Variants in PARP15 observed in about 807,000 individuals in gnomAD.
PARP15 encodes protein mono-ADP-ribosyltransferase PARP15.
Under a neutral mutation model 62.1 loss-of-function variants are expected in PARP15, and 50 were observed. The observed-to-expected ratio is 0.81, with a 90% CI of 0.64 to 1.02. The LOEUF is 1.02. Ranked by LOEUF, PARP15 falls within the 50% of genes least tolerant of loss-of-function variation. The pLI, the probability that PARP15 is intolerant of heterozygous loss-of-function variation, is 0.00. For missense variants in PARP15, 820 were observed against 826.5 expected (o/e 0.99, Z 0.10); for synonymous variants, 309 against 293.1 (o/e 1.05, Z -0.55).
chr3:122,603,565 A>G (rs1576503376), intron 1 of PARP15, among the ~76,000 whole-genome samples: 1 of 152,206 alleles, frequency 6.6e-6, no homozygotes, highest in South Asian at 2.1e-4. Flanking sequence ...GAGGATGTGA[A>G]GAGTTGTAAC....
At chr3:122,614,914 C>G in intron 4 of PARP15, 1 of 256,566 alleles carries the variant, frequency 3.9e-6, no homozygotes, top group Non-Finnish European at 6.1e-6. Context: ...TCTGTAGTCC[C>G]AGCTACTTGG....
chr3:122,599,095 C>T (rs1289472714), intron 1 of PARP15, among the ~76,000 whole-genome samples: 1 of 152,094 alleles, frequency 6.6e-6, no homozygotes, highest in Admixed American at 6.6e-5. Context: ...CAGGGTTTCA[C>T]CACTTTGGGC....
chr3:122,617,127 T>C lies in PARP15; in HGVS notation c.963T>C (p.Ile321=). The change falls in exon 6 of 12, where the codon ATT becomes ATC. Residue 321 remains isoleucine (I), a synonymous_variant. Transcript: ENST00000464300. ...GDIATEQVDV[I]VNSTARTFNR... The stretch of plus-strand genomic sequence containing the variant: ...TAGCCACTGAACAGGTAGATGTTAT[T>C]GTAAACTCAACAGCAAGGACATTTA... 1 of 1,613,960 alleles carries C rather than the reference T, an allele frequency of 6.2e-7. No homozygotes were observed.
At chr3:122,621,231 C>A in intron 7 of PARP15, 1 of 515,224 alleles carries the variant, frequency 1.9e-6, no homozygotes, top group Non-Finnish European at 3.4e-6. Flanking sequence ...TTGAACAGCA[C>A]CCCAAATACT....
At chr3:122,594,502 C>A in intron 1 of PARP15, 2 of 972,378 alleles carry the variant, frequency 2.1e-6, no homozygotes, top group Non-Finnish European at 2.4e-6. Context: ...GTTCCTCAAA[C>A]GATCTCAAAT....
rs1285632195 is a variant in PARP15, at chr3:122,637,559, C to T, written c.*1459C>T. On this transcript the variant is annotated 3_prime_UTR_variant, in exon 12 of 12. Coordinates refer to ENST00000464300, the MANE Select transcript of PARP15 (RefSeq NM_001113523.3). ...CTGAAGCATCACTTTTGAAGAGTTA[C>T]AGACATTTAAGAAGTATTTACATTA... 1 of 152,080 alleles carries T rather than the reference C, an allele frequency of 6.6e-6. No individual in the cohort carries two copies. The highest frequency in any genetic ancestry group is 1.5e-5 in the Non-Finnish European group (1 of 68,012). 9.4% of individuals were successfully genotyped at this position (152,080 alleles called of 1,614,324 possible).
At position 122,638,261 on chromosome 3, in the gene PARP15, C is replaced by T. The variant is rs1306193095; in HGVS notation, c.*2161C>T. The T allele has an allele frequency of 1.3e-5, 2 of 152,028 alleles. No homozygotes were observed. Among genetic ancestry groups the T allele is most frequent in the Non-Finnish European group, 2.9e-5 (2 of 68,030 alleles). 9.4% of individuals were successfully genotyped at this position (152,028 alleles called of 1,614,324 possible). ...TGTGAATAGTGCCGCAATAAACATA[C>T]GTGTGCATGTGTCTTTACAGCAGCA... On this transcript the variant is annotated 3_prime_UTR_variant, in exon 12 of 12. Coordinates refer to ENST00000464300, the MANE Select transcript of PARP15 (RefSeq NM_001113523.3).
In PARP15 at chr3:122,635,139, C is replaced by T. The variant is rs543241798; in HGVS notation, c.1692C>T (p.Asp564=). The change falls in exon 11 of 12, where the codon GAC becomes GAT. Residue 564 remains aspartate (D), a synonymous_variant. Transcript: ENST00000464300. The stretch of plus-strand genomic sequence containing the variant: ...TCCTCTTCCATGGGACAGATGCAGA[C>T]TCAGTGCCATATGTCAATCAGCACG... The part of the protein sequence containing the change: ...ERLLFHGTDA[D]SVPYVNQHGF... 1.2e-6 allele frequency: 2 copies of T among 1,613,984 alleles called. No homozygotes were observed.
chr3:122,594,977 C>G (rs532760536), intron 1 of PARP15: 72 of 600,128 alleles, frequency 1.2e-4, no homozygotes, highest in Admixed American at 1.9e-4. Flanking sequence ...AGTTTTCTGA[C>G]TACAAAGGAT....
intron 9 of PARP15, among the ~76,000 whole-genome samples, chr3:122,631,353 G>C (rs920412362): frequency 6.6e-6 from 1 of 152,202 alleles, no homozygotes; most frequent in African/African-American, 2.4e-5. Flanking sequence ...CAGTGCCCTG[G>C]ATCCCTCTCT....
Position 122,637,454 on chromosome 3 carries a change from G to T in PARP15, c.*1354G>T, listed in dbSNP as rs1428090618. On this transcript the variant is annotated 3_prime_UTR_variant, in exon 12 of 12. Transcript: ENST00000464300. Reference sequence around the variant, plus strand: ...AGCAAGTTTTATTCCTCTTACTGATGGTAGCCTTTCAGATCCATCCCTTCC... The same window carrying T: ...AGCAAGTTTTATTCCTCTTACTGATTGTAGCCTTTCAGATCCATCCCTTCC... 2.0e-5 allele frequency: 3 copies of T among 152,070 alleles called. No individual in the cohort carries two copies. The highest frequency in any genetic ancestry group is 7.2e-5 in the African/African-American group (3 of 41,394). 9.4% of individuals were successfully genotyped at this position (152,070 alleles called of 1,614,324 possible).
At chr3:122,590,046 T>C (rs1366592415) in intron 1 of PARP15, among the ~76,000 whole-genome samples, 8 of 148,602 alleles carry the variant, frequency 5.4e-5, no homozygotes, top group African/African-American at 2.5e-5. Context: ...TCACCACGCC[T>C]GGCTAATTTT....
At chr3:122,590,345 T>C (rs1933800848) in intron 1 of PARP15, among the ~76,000 whole-genome samples, 1 of 152,096 alleles carries the variant, frequency 6.6e-6, no homozygotes, top group Admixed American at 6.6e-5. Flanking sequence ...TGATCTCGGC[T>C]CACTGCAAGC....
intron 8 of PARP15, among the ~76,000 whole-genome samples, chr3:122,626,171 G>A (rs1486471730): frequency 2.0e-5 from 3 of 150,382 alleles, no homozygotes; most frequent in Non-Finnish European, 4.4e-5. Context: ...CTAAATGTAT[G>A]ATTGGTAATG....
chr3:122,615,419 C>A, intron 4 of PARP15: 1 of 1,283,148 alleles, frequency 7.8e-7, no homozygotes, highest in Non-Finnish European at 1.0e-6. Flanking sequence ...AAATACTCTA[C>A]ACTTCCCTCA....
At chr3:122,632,524 C>T (rs1191477335) in intron 10 of PARP15, among the ~76,000 whole-genome samples, 2 of 152,202 alleles carry the variant, frequency 1.3e-5, no homozygotes, top group Non-Finnish European at 1.5e-5. Flanking sequence ...GTAGGATGGG[C>T]TTTGGAGAAG....
chr3:122,605,831 C>A, intron 1 of PARP15, 105 bp from the exon 2 acceptor site: 1 of 1,173,858 alleles, frequency 8.5e-7, no homozygotes, highest in Non-Finnish European at 1.2e-6. Context: ...ATTCTCCCAC[C>A]TAGTCTTCCA....
chr3:122,631,546 GAAAAC>G (rs2107602275), intron 9 of PARP15, among the ~76,000 whole-genome samples: 1 of 152,306 alleles, frequency 6.6e-6, no homozygotes, highest in South Asian at 2.1e-4. Flanking sequence ...GGAAGCCACT[GAAAAC>G]AAAGGAAACC....
At chr3:122,609,402 A>T (rs1935402816) in intron 2 of PARP15, among the ~76,000 whole-genome samples, 1 of 152,116 alleles carries the variant, frequency 6.6e-6, no homozygotes, top group African/African-American at 2.4e-5. Flanking sequence ...AAGAACCAGG[A>T]CATTAAAAAT....
Sources: allele counts gnomAD v4.1 joint callset (sites outside exome capture counted in the v4.1 genomes callset), GRCh38; gene constraint gnomAD v4.1.1; transcripts MANE v1.5; gene names NCBI Gene and HGNC (gene_info 2026-07-23, HGNC 2026-07-21).